The following PTPN13 variants were observed in gnomAD, a reference collection of about 807,000 sequenced individuals.
PTPN13 encodes the protein protein tyrosine phosphatase non-receptor type 13, also known as tyrosine-protein phosphatase non-receptor type 13.
In PTPN13, 191 loss-of-function variants were observed where a neutral mutation model predicts 284.0. The observed-to-expected ratio is 0.67, with a 90% CI of 0.60 to 0.76. The LOEUF is 0.76. Ranked by LOEUF, PTPN13 falls within the 30% of genes least tolerant of loss-of-function variation. The pLI is 0.00. For missense variants in PTPN13, 2,797 were observed against 2,939.9 expected (o/e 0.95, Z 1.12); for synonymous variants, 986 against 1,022.3 (o/e 0.96, Z 0.68).
At chr4:86,794,603 A>C (rs537571828) in intron 40 of PTPN13, among the ~76,000 whole-genome samples, 11 of 152,314 alleles carry the variant, frequency 7.2e-5, no homozygotes, top group Non-Finnish European at 1.3e-4. Flanking sequence ...AATCCTAAGC[A>C]AAAAGAACAA....
chr4:86,614,287 G>A (rs1166094947), intron 1 of PTPN13, among the ~76,000 whole-genome samples: 1 of 151,974 alleles, frequency 6.6e-6, no homozygotes, highest in African/African-American at 2.4e-5. Context: ...AAATTACTCT[G>A]TTTGATTTAT....
intron 35 of PTPN13, among the ~76,000 whole-genome samples, chr4:86,776,951 CTGGGATAGGATTAAT>C (rs1285280262): frequency 8.5e-5 from 13 of 152,170 alleles, no homozygotes; most frequent in Non-Finnish European, 1.5e-4. Context: ...ATTCCCAGAG[CTGGGATAGGATTAAT>C]CCCACTGGAA....
intron 44 of PTPN13, among the ~76,000 whole-genome samples, 197 bp downstream of exon 44, chr4:86,805,566 G>A (rs1357924497): frequency 6.6e-6 from 1 of 152,126 alleles, no homozygotes; most frequent in Non-Finnish European, 1.5e-5. Context: ...CTGAAAATCA[G>A]TTAGAGGAAC....
At chr4:86,684,155 T>C (rs1233406254) in intron 3 of PTPN13, among the ~76,000 whole-genome samples, 3 of 151,678 alleles carry the variant, frequency 2.0e-5, no homozygotes, top group African/African-American at 7.3e-5. Context: ...CTCATCTAAC[T>C]ATACAACAAG....
At chr4:86,613,524 C>A (rs1435371039) in intron 1 of PTPN13, among the ~76,000 whole-genome samples, 1 of 151,520 alleles carries the variant, frequency 6.6e-6, no homozygotes. Context: ...ATCCCAGCTA[C>A]TAGAGAGGCT....
rs1742926776 is a variant in PTPN13, at chr4:86,793,455, G to A, written c.6346-3419G>A. Among the ~76,000 whole-genome samples, 3 of 152,120 alleles carry A rather than the reference G, an allele frequency of 2.0e-5. No individual in the cohort carries two copies. In the South Asian group the frequency reaches 6.2e-4, roughly 32 times the overall value. On this transcript the variant is annotated intron_variant, in intron 40 of 47. Coordinates refer to ENST00000411767, the MANE Select transcript of PTPN13 (RefSeq NM_080683.3). ...TATTAGACAGGTCAACAAGACAGAA[G>A]GTTAACAGGGATATCCAGGACTTGA...
chr4:86,732,349 A>G, intron 10 of PTPN13, 51 bp from the exon 11 acceptor site: 1 of 1,390,078 alleles, frequency 7.2e-7, no homozygotes, highest in African/African-American at 1.5e-5. Context: ...TTTCAAGGAA[A>G]AAACTAGAAT....
At chr4:86,682,420 C>G (rs1300189277) in intron 3 of PTPN13, among the ~76,000 whole-genome samples, 1 of 150,742 alleles carries the variant, frequency 6.6e-6, no homozygotes, top group African/African-American at 2.4e-5. Context: ...AGAAGCAGAT[C>G]AAAACTTTTT....
intron 17 of PTPN13, among the ~76,000 whole-genome samples, chr4:86,748,589 GT>G (rs1448516805): frequency 3.3e-5 from 5 of 152,142 alleles, no homozygotes; most frequent in African/African-American, 9.6e-5. Context: ...CAGGCTACTC[GT>G]AAAGTAAATG....
At position 86,758,478 on chromosome 4, in the gene PTPN13, C is replaced by G. The variant is rs555482218; in HGVS notation, c.3313+129C>G. 47 of 919,508 alleles carry G rather than the reference C, an allele frequency of 5.1e-5. No homozygotes were observed. The Middle Eastern group carries it at 8.7e-4, about 17-fold the overall frequency. 57.0% of individuals were successfully genotyped at this position (919,508 alleles called of 1,614,324 possible). On this transcript the variant is annotated intron_variant, in intron 21 of 47. Coordinates refer to ENST00000411767, the MANE Select transcript of PTPN13 (RefSeq NM_080683.3). ...AAGATACTGACTGGCTGCCCACCTA[C>G]AAGCCCATCAACCTACCCGCCCAGT...
At chr4:86,745,982 T>TG (rs1736710396) in intron 17 of PTPN13, among the ~76,000 whole-genome samples, 1 of 152,000 alleles carries the variant, frequency 6.6e-6, no homozygotes, top group Non-Finnish European at 1.5e-5. Context: ...AGGCAGAGGA[T>TG]GGGGGAAGTA....
At chr4:86,704,916 G>A (rs535489682) in intron 7 of PTPN13, among the ~76,000 whole-genome samples, 12 of 152,172 alleles carry the variant, frequency 7.9e-5, no homozygotes, top group Non-Finnish European at 1.3e-4. Context: ...GTTTGCTTTA[G>A]ACTACAGGCA....
chr4:86,644,292 C>T (rs1158448201), intron 2 of PTPN13, among the ~76,000 whole-genome samples: 3 of 152,106 alleles, frequency 2.0e-5, no homozygotes, highest in Non-Finnish European at 4.4e-5. Flanking sequence ...CTACCACGCT[C>T]GGCCAAATTT....
At chr4:86,760,045 AT>A (rs2149239948) in intron 23 of PTPN13, among the ~76,000 whole-genome samples, 1 of 152,304 alleles carries the variant, frequency 6.6e-6, no homozygotes, top group Non-Finnish European at 1.5e-5. Context: ...TGAACATGTT[AT>A]ATGTTGTGAT....
At chr4:86,763,295 A>C (rs906695008) in intron 24 of PTPN13, 105 bp downstream of exon 24, 5 of 1,007,466 alleles carry the variant, frequency 5.0e-6, no homozygotes, top group Non-Finnish European at 7.4e-6. Flanking sequence ...ATTATTCTGG[A>C]AAAAAGAAAT....
chr4:86,676,638 A>T (rs111382077), intron 3 of PTPN13, among the ~76,000 whole-genome samples: 7,615 of 152,206 alleles, frequency 0.05, 263 homozygotes, highest in African/African-American at 0.073. Context: ...ATGAATGGAT[A>T]AAAAAAACTG....
chr4:86,768,709 C>CTTT (rs774501203), intron 28 of PTPN13, among the ~76,000 whole-genome samples: 11 of 130,430 alleles, frequency 8.4e-5, no homozygotes, highest in African/African-American at 1.2e-4. Flanking sequence ...TTTCTTCCAT[C>CTTT]TTTTTTTTTT....
chr4:86,745,206 A>G (rs1016837597), intron 17 of PTPN13, 78 bp downstream of exon 17: 20 of 1,330,072 alleles, frequency 1.5e-5, no homozygotes, highest in South Asian at 4.4e-5. Flanking sequence ...AAGAACTGCC[A>G]TGATTAGGAT....
At position 86,765,409 on chromosome 4, in the gene PTPN13, G is replaced by C; in HGVS notation, c.4164G>C (p.Thr1388=). ...LGISVTGGVN[T]SVRHGGIYVK... ...TTTCTCTTTAGGGAGGTGTGAATACGAGTGTCAGACATGGTGGCATTTATG... is the reference window on the plus strand; with the variant it reads ...TTTCTCTTTAGGGAGGTGTGAATACCAGTGTCAGACATGGTGGCATTTATG... The change falls in exon 26 of 48, where the codon ACG becomes ACC. Residue 1388 remains threonine, a synonymous_variant. Coordinates refer to ENST00000411767, the MANE Select transcript of PTPN13 (RefSeq NM_080683.3). 1 of 1,599,604 alleles carries C rather than the reference G, an allele frequency of 6.3e-7. No individual in the cohort carries two copies. Among genetic ancestry groups the C allele is most frequent in the Non-Finnish European group, 8.5e-7 (1 of 1,172,396 alleles).
Sources: allele counts gnomAD v4.1 joint callset (sites outside exome capture counted in the v4.1 genomes callset), GRCh38; gene constraint gnomAD v4.1.1; transcripts MANE v1.5; gene names NCBI Gene and HGNC (gene_info 2026-07-23, HGNC 2026-07-21).